ZFP64: variants seen among roughly 807,000 people sequenced by gnomAD.
ZFP64 encodes the protein ZFP64 zinc finger protein.
ZFP64 carries 14 observed loss-of-function variants against 51.6 expected under a neutral mutation model. The observed-to-expected ratio is 0.27, with a 90% CI of 0.18 to 0.42. The LOEUF (loss-of-function observed/expected upper bound fraction) is 0.42, where lower values mean the gene tolerates loss of function less well. Ranked by LOEUF, ZFP64 falls within the 10% of genes least tolerant of loss-of-function variation. The probability of loss-of-function intolerance (pLI) is 1.00; values close to 1 mark genes in which losing one functional copy is unlikely to be tolerated. For missense variants in ZFP64, 754 were observed against 906.8 expected, an observed-to-expected ratio of 0.83 and a Z score of 2.16; for synonymous variants, 375 against 361.4, an observed-to-expected ratio of 1.04 and a Z score of -0.43.
chr20:52,140,601 T>C (rs369183083), intron 5 of ZFP64, among the ~76,000 whole-genome samples: 4 of 152,100 alleles, frequency 2.6e-5, no homozygotes, highest in African/African-American at 9.7e-5. Flanking sequence ...AGAAGAAAAT[T>C]GGAAGCTAGC....
At chr20:52,090,927 C>CAA (rs797006213) in intron 7 of ZFP64, among the ~76,000 whole-genome samples, 5,904 of 66,800 alleles carry the variant, frequency 0.088, 350 homozygotes, top group South Asian at 0.11. Flanking sequence ...CTGACTCTAC[C>CAA]AAAAAAAAAA....
At chr20:52,132,278 C>T (rs973614485) in intron 5 of ZFP64, among the ~76,000 whole-genome samples, 2 of 151,828 alleles carry the variant, frequency 1.3e-5, no homozygotes, top group Admixed American at 1.3e-4. Flanking sequence ...GAAAAAACTT[C>T]AAATAAACAA....
At chr20:52,116,700 C>T (rs577720203) in intron 5 of ZFP64, among the ~76,000 whole-genome samples, 50 of 152,182 alleles carry the variant, frequency 3.3e-4, no homozygotes, top group Non-Finnish European at 3.1e-4. Context: ...CACATATATA[C>T]ACATATGCCC....
At chr20:52,163,095 C>A (rs1019251049) in intron 4 of ZFP64, among the ~76,000 whole-genome samples, 1 of 151,968 alleles carries the variant, frequency 6.6e-6, no homozygotes, top group Admixed American at 6.6e-5. Flanking sequence ...ATGCGGTAGC[C>A]CACGCTTGTA....
chr20:52,147,166 A>C (rs6021745), downstream of ZFP64, among the ~76,000 whole-genome samples: 1 of 151,966 alleles, frequency 6.6e-6, no homozygotes, highest in Non-Finnish European at 1.5e-5. Flanking sequence ...AACATTATTC[A>C]GTCAAATTAT....
At chr20:52,086,681 T>C (rs930020302) in intron 8 of ZFP64, among the ~76,000 whole-genome samples, 9 of 152,108 alleles carry the variant, frequency 5.9e-5, no homozygotes, top group African/African-American at 2.2e-4. Flanking sequence ...GGTTTCACCG[T>C]GTTAGCCAGG....
chr20:52,107,478 T>G (rs1978336178), intron 5 of ZFP64, among the ~76,000 whole-genome samples: 1 of 152,040 alleles, frequency 6.6e-6, no homozygotes, highest in Admixed American at 6.6e-5. Context: ...TGATGTCCCC[T>G]CCCCTCCTCT....
chr20:52,117,743 T>C (rs991563395), intron 5 of ZFP64: 9 of 445,012 alleles, frequency 2.0e-5, no homozygotes, highest in African/African-American at 1.8e-4. Context: ...GCATTCAACT[T>C]GCCTAGAAAT....
At chr20:52,099,503 A>C (rs2079028454) in intron 5 of ZFP64, among the ~76,000 whole-genome samples, 1 of 152,236 alleles carries the variant, frequency 6.6e-6, no homozygotes, top group Non-Finnish European at 1.5e-5. Context: ...GGTGGTCGAC[A>C]ATATCGGGAC....
intron 5 of ZFP64, among the ~76,000 whole-genome samples, chr20:52,118,644 G>C (rs1484822776): frequency 6.6e-6 from 1 of 152,236 alleles, no homozygotes; most frequent in Non-Finnish European, 1.5e-5. Context: ...GGTTGCCACT[G>C]GGGGCAAGGC....
At chr20:52,103,113 G>A (rs2079071005) in intron 5 of ZFP64, among the ~76,000 whole-genome samples, 1 of 152,138 alleles carries the variant, frequency 6.6e-6, no homozygotes, top group Admixed American at 6.5e-5. Context: ...AGCTGGGGGA[G>A]ACCCTCTGCC....
intron 5 of ZFP64, among the ~76,000 whole-genome samples, chr20:52,120,265 A>C (rs1979114550): frequency 6.6e-6 from 1 of 152,168 alleles, no homozygotes; most frequent in Admixed American, 6.6e-5. Flanking sequence ...AGTCTACGGC[A>C]CTTTGTTATA....
intron 5 of ZFP64, among the ~76,000 whole-genome samples, chr20:52,123,870 C>A (rs1305316198): frequency 7.5e-6 from 1 of 132,482 alleles, no homozygotes; most frequent in African/African-American, 3.1e-5. Flanking sequence ...GTAAACTTTT[C>A]TTTTTTGGGG....
rs1304792786 is a variant in ZFP64 at position 52,188,317 on chromosome 20, T to C, written c.47-1246A>G. On this transcript the variant is annotated intron_variant, in intron 1 of 5. Transcript: ENST00000216923. ...TTATTTCTTTTTCTTTCTTTTTTTT[T>C]TTTTTTTTTTTTTTTGAGACAGAGT... Among the ~76,000 whole-genome samples the C allele has an allele frequency of 2.4e-3, 340 of 139,510 alleles. 6 individuals are homozygous for C. Among genetic ancestry groups the C allele is most frequent in the East Asian group, 1.4e-3 (7 of 4,914 alleles). 91.5% of individuals were successfully genotyped at this position (139,510 alleles called of 152,430 possible).
intron 5 of ZFP64, among the ~76,000 whole-genome samples, chr20:52,144,600 A>AAAAAAAAAC: frequency 6.7e-6 from 1 of 148,846 alleles, no homozygotes. Context: ...AAAAAAAAAA[A>AAAAAAAAAC]AATGCTGAAA....
chr20:52,154,880 A>G (rs1328600682), intron 5 of ZFP64, among the ~76,000 whole-genome samples: 2 of 152,162 alleles, frequency 1.3e-5, no homozygotes, highest in Non-Finnish European at 2.9e-5. Flanking sequence ...CATGGCCCAC[A>G]AAACCTAAAA....
intron 5 of ZFP64, among the ~76,000 whole-genome samples, chr20:52,142,413 CACACAA>C (rs1013338138): frequency 1.4e-5 from 2 of 143,432 alleles, no homozygotes; most frequent in African/African-American, 5.0e-5. Flanking sequence ...CACACACACA[CACACAA>C]ATTGCTTAAT....
chr20:52,178,422 C>T (rs1317723918), intron 2 of ZFP64, among the ~76,000 whole-genome samples: 2 of 152,064 alleles, frequency 1.3e-5, no homozygotes, highest in Non-Finnish European at 2.9e-5. Context: ...CTTTTGGTTA[C>T]AAAAAACTAC....
chr20:52,118,299 C>G (rs959476217), intron 5 of ZFP64, among the ~76,000 whole-genome samples: 2 of 151,532 alleles, frequency 1.3e-5, no homozygotes, highest in African/African-American at 4.8e-5. Context: ...AACATGGATC[C>G]AAGTCTTTAT....
Sources: gnomAD v4.1 joint callset for allele counts (sites outside exome capture counted in the v4.1 genomes callset) on GRCh38, gnomAD v4.1.1 for gene constraint, MANE v1.5 for transcripts, NCBI Gene and HGNC (gene_info 2026-07-23, HGNC 2026-07-21) for gene names.